Variants in RAB27B observed in about 807,000 individuals in gnomAD.
The protein encoded by RAB27B is RAB27B, member RAS oncogene family.
Under a neutral mutation model 24.6 loss-of-function variants are expected in RAB27B, and 15 were observed. That is an observed-to-expected ratio of 0.61 (90% CI 0.41 to 0.94). The LOEUF (loss-of-function observed/expected upper bound fraction) is 0.94. RAB27B is among the 40% of genes least tolerant of loss of function. The pLI, the probability that RAB27B is intolerant of heterozygous loss-of-function variation, is 0.00. For synonymous variants in RAB27B, 105 were observed against 92.5 expected (o/e 1.14, Z -0.78); for missense variants, 261 against 266.8 (o/e 0.98, Z 0.15).
At chr18:54,748,759 C>A (rs374730692) in intron 2 of RAB27B, among the ~76,000 whole-genome samples, 1 of 152,060 alleles carries the variant, frequency 6.6e-6, no homozygotes, top group African/African-American at 2.4e-5. Context: ...AATGAACTGA[C>A]AAAAGACAGA....
intron 2 of RAB27B, among the ~76,000 whole-genome samples, chr18:54,807,591 A>G (rs1909832036): frequency 6.6e-6 from 1 of 152,212 alleles, no homozygotes; most frequent in Non-Finnish European, 1.5e-5. Context: ...CCAGCTATGG[A>G]AACAAGCCCA....
chr18:54,743,087 T>C (rs1910118441), intron 2 of RAB27B, among the ~76,000 whole-genome samples: 1 of 152,212 alleles, frequency 6.6e-6, no homozygotes, highest in Admixed American at 6.5e-5. Flanking sequence ...CAAGCATTCT[T>C]GGACACCCAC....
intron 1 of RAB27B, among the ~76,000 whole-genome samples, chr18:54,847,612 T>TA (rs1378625536): frequency 6.6e-6 from 1 of 152,224 alleles, no homozygotes; most frequent in Non-Finnish European, 1.5e-5. Flanking sequence ...TAATTTATCT[T>TA]ACTACTGATG....
At chr18:54,790,249 G>GA (rs939189260) in intron 2 of RAB27B, among the ~76,000 whole-genome samples, 2 of 151,660 alleles carry the variant, frequency 1.3e-5, no homozygotes, top group African/African-American at 2.4e-5. Flanking sequence ...ATATTTAAGA[G>GA]AAAAAAAAGA....
chr18:54,867,257 C>T (rs1414371371), intron 1 of RAB27B, among the ~76,000 whole-genome samples: 2 of 151,902 alleles, frequency 1.3e-5, no homozygotes, highest in African/African-American at 4.8e-5. Flanking sequence ...TATCTCTGAC[C>T]ACCAGATTGA....
At chr18:54,733,731 A>G (rs1444488463) in intron 2 of RAB27B, among the ~76,000 whole-genome samples, 1 of 143,028 alleles carries the variant, frequency 7.0e-6, no homozygotes, top group Non-Finnish European at 1.5e-5. Flanking sequence ...GGACTCTAGA[A>G]GCAGGTCCTG....
chr18:54,843,094 C>T (rs1157091829), intron 1 of RAB27B, among the ~76,000 whole-genome samples: 2 of 152,110 alleles, frequency 1.3e-5, no homozygotes, highest in Non-Finnish European at 2.9e-5. Flanking sequence ...CCGTGCCTGG[C>T]CAATAATATT....
At chr18:54,743,120 T>G (rs1285588972) in intron 2 of RAB27B, among the ~76,000 whole-genome samples, 1 of 152,226 alleles carries the variant, frequency 6.6e-6, no homozygotes, top group Non-Finnish European at 1.5e-5. Context: ...AGCCAATGAT[T>G]TTGTATCTGG....
intron 2 of RAB27B, among the ~76,000 whole-genome samples, chr18:54,797,874 C>A (rs569503551): frequency 6.6e-6 from 1 of 152,164 alleles, no homozygotes; most frequent in Non-Finnish European, 1.5e-5. Context: ...TCAAATGATA[C>A]GCTCACCATC....
intron 2 of RAB27B, among the ~76,000 whole-genome samples, chr18:54,758,148 C>A (rs1908067181): frequency 2.0e-5 from 3 of 151,920 alleles, no homozygotes; most frequent in Admixed American, 2.0e-4. Flanking sequence ...TAGATAATAA[C>A]CAAGTGTTTT....
chr18:54,753,422 C>A (rs1265622513), intron 2 of RAB27B, among the ~76,000 whole-genome samples: 1 of 152,102 alleles, frequency 6.6e-6, no homozygotes, highest in Admixed American at 6.6e-5. Flanking sequence ...AATTCCTCTA[C>A]TTTCTATTTC....
chr18:54,837,716 G>T (rs1201515021), intron 1 of RAB27B, among the ~76,000 whole-genome samples: 2 of 151,980 alleles, frequency 1.3e-5, no homozygotes, highest in African/African-American at 2.4e-5. Flanking sequence ...CTCTGCTTTG[G>T]CTAATAAAGA....
At chr18:54,847,836 G>A (rs73956711) in intron 1 of RAB27B, among the ~76,000 whole-genome samples, 1,694 of 128,728 alleles carry the variant, frequency 0.013, 31 homozygotes, top group African/African-American at 0.041. Context: ...TTTGGGACTC[G>A]TTTAAAAAAA....
intron 1 of RAB27B, among the ~76,000 whole-genome samples, chr18:54,874,199 G>T (rs1912597797): frequency 1.3e-5 from 2 of 152,162 alleles, no homozygotes; most frequent in Non-Finnish European, 2.9e-5. Flanking sequence ...CTATGGTCCT[G>T]TATCTCCTCT....
At chr18:54,860,619 G>A (rs1232072712) in intron 1 of RAB27B, among the ~76,000 whole-genome samples, 2 of 152,170 alleles carry the variant, frequency 1.3e-5, no homozygotes, top group Non-Finnish European at 2.9e-5. Flanking sequence ...TTCTGAGGTA[G>A]AACTCATTCC....
At chr18:54,753,766 C>T (rs191725675) in intron 2 of RAB27B, among the ~76,000 whole-genome samples, 35 of 152,218 alleles carry the variant, frequency 2.3e-4, no homozygotes, top group Admixed American at 1.7e-3. Context: ...GTAATTTGTA[C>T]GTAATTTATC....
intron 1 of RAB27B, among the ~76,000 whole-genome samples, chr18:54,854,083 A>T (rs930412121): frequency 6.6e-6 from 1 of 152,192 alleles, no homozygotes; most frequent in African/African-American, 2.4e-5. Context: ...ATTCAATTAA[A>T]TGCCACCGGT....
At chr18:54,817,262 T>G (rs1044948891) in intron 2 of RAB27B, among the ~76,000 whole-genome samples, 1 of 152,194 alleles carries the variant, frequency 6.6e-6, no homozygotes, top group Non-Finnish European at 1.5e-5. Flanking sequence ...TTTTAAAGCC[T>G]TCTATTTTGA....
intron 2 of RAB27B, among the ~76,000 whole-genome samples, chr18:54,778,674 C>G (rs545751826): frequency 6.6e-6 from 1 of 152,212 alleles, no homozygotes; most frequent in African/African-American, 2.4e-5. Context: ...CCATCTTCTG[C>G]TTTAACCCAG....
Sources: gnomAD v4.1 joint callset for allele counts (sites outside exome capture counted in the v4.1 genomes callset) on GRCh38, gnomAD v4.1.1 for gene constraint, MANE v1.5 for transcripts, NCBI Gene and HGNC (gene_info 2026-07-23, HGNC 2026-07-21) for gene names.